Variants in STARD8 observed in about 807,000 individuals in gnomAD.
STARD8 encodes stAR-related lipid transfer protein 8.
STARD8 carries 25 observed loss-of-function variants against 69.4 expected under a neutral mutation model. The ratio of observed to expected loss-of-function variants is 0.36; its 90% confidence interval spans 0.26 to 0.50. The LOEUF is 0.50. Ranked by LOEUF, STARD8 falls within the 20% of genes least tolerant of loss-of-function variation. The pLI is 0.96. For missense variants in STARD8, 921 were observed against 932.5 expected (o/e 0.99, Z 0.16); for synonymous variants, 389 against 374.6 (o/e 1.04, Z -0.45).
chrX:68,649,228 C>T (rs1387023241), intron 1 of STARD8, among the ~76,000 whole-genome samples: 6 of 110,689 alleles, frequency 5.4e-5, no homozygotes, highest in Non-Finnish European at 9.4e-5. Context: ...GTTTGTCAGT[C>T]CAAAAGTGGG....
chrX:68,707,872 T>A (rs1418658977), intron 2 of STARD8, among the ~76,000 whole-genome samples: 1 of 111,286 alleles, frequency 9.0e-6, no homozygotes, highest in African/African-American at 3.3e-5. Flanking sequence ...TGCCTAGTAG[T>A]GGTGTGAAGA....
chrX:68,662,838 T>C (rs2079659964), intron 1 of STARD8, among the ~76,000 whole-genome samples: 1 of 112,043 alleles, frequency 8.9e-6, no homozygotes, highest in Non-Finnish European at 1.9e-5. Flanking sequence ...AGCACTCACA[T>C]TGAATTGTGA....
chrX:68,656,055 G>A (rs1272048231), intron 1 of STARD8: 1 of 111,659 alleles, frequency 9.0e-6, no homozygotes, highest in Non-Finnish European at 1.9e-5. Flanking sequence ...AATGGGAAGA[G>A]GAGGAAGAAC....
chrX:68,697,778 C>G (rs772005198), intron 2 of STARD8, among the ~76,000 whole-genome samples: 1 of 112,530 alleles, frequency 8.9e-6, no homozygotes, highest in Non-Finnish European at 1.9e-5. Context: ...CCCTCTACCC[C>G]CATGTGGGGC....
chrX:68,724,305 G>A lies in STARD8; in HGVS notation c.3195G>A (p.Arg1065=). The change falls in exon 15 of 15, where the codon AGG becomes AGA. Residue 1065 remains arginine (R), a splice_region_variant and synonymous_variant. Transcript: ENST00000374599. ...TGCCTGGTTTCTTCTGCTTCCCTAG[G>A]GGCCGTTCTCCTGACTGGTACAACA... ...RLTHICRADL[R]GRSPDWYNKV... 8.3e-7 allele frequency: 1 copy of A among 1,209,794 alleles called. No homozygotes were observed. The highest frequency in any genetic ancestry group is 1.1e-6 in the Non-Finnish European group (1 of 894,320).
chrX:68,653,688 A>G (rs1217087235), intron 1 of STARD8, among the ~76,000 whole-genome samples: 99 of 87,582 alleles, frequency 1.1e-3, no homozygotes, highest in Non-Finnish European at 1.2e-3. Flanking sequence ...CACACCACAC[A>G]CACACCACAC....
intron 2 of STARD8, among the ~76,000 whole-genome samples, chrX:68,699,321 T>C (rs1478150380): frequency 8.9e-6 from 1 of 112,579 alleles, no homozygotes; most frequent in Non-Finnish European, 1.9e-5. Flanking sequence ...CTTCTGAAGC[T>C]TGGGGCTTCC....
chrX:68,720,228 T>G (rs930342190), intron 7 of STARD8, 36 bp from the exon 8 acceptor site: 5 of 1,148,900 alleles, frequency 4.4e-6, no homozygotes, highest in Middle Eastern at 4.9e-4. Flanking sequence ...CAAACTGTGT[T>G]CCCCCTATCT....
chrX:68,700,199 A>G (rs1443852522), intron 2 of STARD8, among the ~76,000 whole-genome samples: 1 of 112,201 alleles, frequency 8.9e-6, no homozygotes, highest in East Asian at 2.8e-4. Context: ...GCAGTTGATG[A>G]TGATGACTAT....
chrX:68,722,768 G>A (rs904224945), intron 12 of STARD8, 122 bp downstream of exon 12: 13 of 657,874 alleles, frequency 2.0e-5, no homozygotes, highest in African/African-American at 8.9e-5. Context: ...GCTGTGCCTC[G>A]GCCTGGTCCT....
In STARD8 at chrX:68,725,152, T is replaced by C. The variant is rs2080189015; in HGVS notation, c.*730T>C. ...TGAAACCAGTATTCCCTGACTTGGG[T>C]TTCACACTTTATCGACCACCCCATG... On this transcript the variant is annotated 3_prime_UTR_variant, in exon 15 of 15. Transcript: ENST00000374599. 1 of 110,894 alleles carries C rather than the reference T, an allele frequency of 9.0e-6. No individual in the cohort carries two copies. The highest frequency in any genetic ancestry group is 3.3e-5 in the African/African-American group (1 of 30,463). 9.1% of individuals were successfully genotyped at this position (110,894 alleles called of 1,213,427 possible). A position where few individuals can be genotyped will look rare whatever the true frequency, so the allele number is the denominator to read the frequency against.
chrX:68,724,012 C>A lies in STARD8; in HGVS notation c.3085C>A (p.Pro1029Thr). 8.2e-7 allele frequency: 1 copy of A among 1,212,340 alleles called. No homozygotes were observed. Among genetic ancestry groups the A allele is most frequent in the South Asian group, 1.8e-5 (1 of 57,027 alleles). The change falls in exon 14 of 15, where the codon CCT becomes ACT. Residue 1029 changes from proline to threonine, a missense_variant. Coordinates refer to ENST00000374599, the MANE Select transcript of STARD8 (RefSeq NM_001142503.3). Reference sequence around the variant, plus strand: ...CTCCCAGTCCCTGGATCCGGAACAACCTGTGCCAGAGTCGGGTGTGCGAGC... The same window carrying A: ...CTCCCAGTCCCTGGATCCGGAACAAACTGTGCCAGAGTCGGGTGTGCGAGC... Reference protein sequence around the residue: ...LVSQSLDPEQPVPESGVRALM... With the variant: ...LVSQSLDPEQTVPESGVRALM...
chrX:68,669,630 G>A (rs1266399592), intron 2 of STARD8, among the ~76,000 whole-genome samples: 1 of 111,652 alleles, frequency 9.0e-6, no homozygotes, highest in Non-Finnish European at 1.9e-5. Context: ...GGCTGAGGTG[G>A]CCTGGTGGGG....
At chrX:68,674,957 AT>A (rs770593904) in intron 2 of STARD8, among the ~76,000 whole-genome samples, 1,027 of 53,726 alleles carry the variant, frequency 0.019, 14 homozygotes, top group African/African-American at 0.051. Flanking sequence ...TAATTTTTGT[AT>A]TTTTTTTTTT....
chrX:68,688,972 CCA>C (rs760658285), intron 2 of STARD8, among the ~76,000 whole-genome samples: 8,351 of 92,317 alleles, frequency 0.09, 2 homozygotes, highest in African/African-American at 0.21. Flanking sequence ...AGGGCCCACC[CCA>C]TTTTTTCCAG....
rs185376579 is a variant in STARD8, at chrX:68,689,479, G to T, written c.80-23435G>T. 5.1e-3 allele frequency among the ~76,000 whole-genome samples: 573 copies of T among 112,456 alleles called. 2 individuals carry two copies. Among genetic ancestry groups the T allele is most frequent in the Non-Finnish European group, 8.1e-3 (432 of 53,123 alleles). ...CCATCAGGCTGGCACATTGACTGGT[G>T]TTGGTTGAGGAGAGATGACAGGTCC... On this transcript the variant is annotated intron_variant, in intron 2 of 14. Coordinates refer to ENST00000374599, the MANE Select transcript of STARD8 (RefSeq NM_001142503.3).
chrX:68,701,540 G>A (rs2147914870), intron 2 of STARD8, among the ~76,000 whole-genome samples: 1 of 113,060 alleles, frequency 8.8e-6, no homozygotes, highest in South Asian at 3.6e-4. Context: ...TCTGCTCTGT[G>A]CACTTCTTCT....
intron 10 of STARD8, 75 bp downstream of exon 10, chrX:68,721,821 A>T: frequency 9.7e-7 from 1 of 1,027,894 alleles, no homozygotes; most frequent in Non-Finnish European, 1.3e-6. Context: ...TTGGCTTTTG[A>T]TGGCTGGCAC....
Position 68,721,541 on chromosome X carries a change from C to T in STARD8, c.2254C>T (p.Pro752Ser), listed in dbSNP as rs751854019. ...CTTCCATTGCTTCCTCACAGTCCTC[C>T]CCAAGGATCAGTGGTTGGCAGCAGC... ...TTFLQIYQLL[P>S]KDQWLAAAQA... Residue 752 changes from proline (P) to serine (S), a missense_variant, in exon 10 of 15, where the codon CCC becomes TCC. Coordinates refer to ENST00000374599, the MANE Select transcript of STARD8 (RefSeq NM_001142503.3). 1.5e-5 allele frequency: 18 copies of T among 1,209,679 alleles called. No individual in the cohort carries two copies. The highest frequency in any genetic ancestry group is 7.1e-5 in the South Asian group (4 of 56,716).
Sources: allele counts gnomAD v4.1 joint callset (sites outside exome capture counted in the v4.1 genomes callset), GRCh38; gene constraint gnomAD v4.1.1; transcripts MANE v1.5; gene names NCBI Gene and HGNC (gene_info 2026-07-23, HGNC 2026-07-21).